RAD51AP2: variants seen among roughly 807,000 people sequenced by gnomAD.
RAD51AP2 encodes RAD51 associated protein 2, also known as RAD51-associated protein 2.
RAD51AP2 carries 67 observed loss-of-function variants against 85.5 expected under a neutral mutation model. The observed-to-expected ratio is 0.78, with a 90% CI of 0.64 to 0.96. The LOEUF (loss-of-function observed/expected upper bound fraction) is 0.96. Ranked by LOEUF, RAD51AP2 falls within the 40% of genes least tolerant of loss-of-function variation. The probability of loss-of-function intolerance (pLI) is 0.00; values close to 1 mark genes in which losing one functional copy is unlikely to be tolerated. For missense variants in RAD51AP2, 1,307 were observed against 1,332.4 expected, an observed-to-expected ratio of 0.98 and a Z score of 0.30; for synonymous variants, 474 against 446.5, an observed-to-expected ratio of 1.06 and a Z score of -0.78.
At chr2:17,522,470 ATTATTATG>A (rs537245179), upstream of RAD51AP2, among the ~76,000 whole-genome samples, 11 of 151,824 alleles carry the variant, frequency 7.2e-5, no homozygotes, top group Non-Finnish European at 1.3e-4. Context: ...ATTTCTCCGC[ATTATTATG>A]TTATTATATT....
At chr2:17,518,773 C>T (rs1662788269), upstream of RAD51AP2, among the ~76,000 whole-genome samples, 1 of 151,774 alleles carries the variant, frequency 6.6e-6, no homozygotes, top group South Asian at 2.1e-4. Context: ...AAAGTTAGAA[C>T]CTCTCACTTA....
chr2:17,522,007 ATC>A (rs923524422), upstream of RAD51AP2, among the ~76,000 whole-genome samples: 3 of 151,920 alleles, frequency 2.0e-5, no homozygotes, highest in African/African-American at 4.8e-5. Flanking sequence ...ATCTCTCGTT[ATC>A]TCTTTCTGAG....
intron 1 of RAD51AP2, 31 bp downstream of exon 1, chr2:17,515,138 G>A (rs1662612339): frequency 2.7e-6 from 4 of 1,492,754 alleles, no homozygotes; most frequent in South Asian, 2.9e-5. Context: ...TTTCTAGCAT[G>A]AGAAATAATG....
chr2:17,530,977 C>T, the RAD51AP2 span, among the ~76,000 whole-genome samples: 1 of 152,156 alleles, frequency 6.6e-6, no homozygotes, highest in Non-Finnish European at 1.5e-5. Context: ...ATAAAGTTTT[C>T]AGGTAGCAGG....
the RAD51AP2 span, among the ~76,000 whole-genome samples, chr2:17,528,561 A>G: frequency 6.6e-6 from 1 of 152,154 alleles, no homozygotes; most frequent in Non-Finnish European, 1.5e-5. Context: ...AAATAAAGTC[A>G]GATAGGCACG....
chr2:17,535,138 C>A, the RAD51AP2 span, among the ~76,000 whole-genome samples: 7 of 152,128 alleles, frequency 4.6e-5, no homozygotes, highest in Non-Finnish European at 7.4e-5. Flanking sequence ...GGAAAAGATT[C>A]TTCTGCTGGG....
rs72785705 is a variant in RAD51AP2, at chr2:17,515,852, T to G, written c.2564A>C (p.Lys855Thr). 5 of 1,610,300 alleles carry G rather than the reference T, an allele frequency of 3.1e-6. No homozygotes were observed. The highest frequency in any genetic ancestry group is 4.2e-6 in the Non-Finnish European group (5 of 1,178,008). The change falls in exon 1 of 3, where the codon AAG (lysine) becomes ACG (threonine). Residue 855 changes from lysine (K) to threonine (T), a missense_variant. Physicochemically the swap from Lys to Thr is moderately conservative, Grantham distance 78. Around this residue, in one of 3 missense-constraint regions of RAD51AP2, gnomAD observed 668 missense variants for 671.0 expected, o/e 1.00. Coordinates refer to ENST00000399080, the MANE Select transcript of RAD51AP2 (RefSeq NM_001099218.3). The stretch of plus-strand genomic sequence containing the variant: ...ACTATCTTTCTCTTCCTTTTCTATC[T>G]TAGTATCTTTGTGAACTTGGCAACT... ...TNSCQVHKDT[K>T]IEKEEKDSFF...
chr2:17,522,331 T>C (rs1240237359), upstream of RAD51AP2, among the ~76,000 whole-genome samples: 1 of 152,066 alleles, frequency 6.6e-6, no homozygotes, highest in Non-Finnish European at 1.5e-5. Context: ...GTCTAGGCCA[T>C]ATGCTGCTTC....
chr2:17,521,212 T>TC (rs1662849700), upstream of RAD51AP2, among the ~76,000 whole-genome samples: 1 of 152,128 alleles, frequency 6.6e-6, no homozygotes, highest in Non-Finnish European at 1.5e-5. Context: ...TTAAGTTTCT[T>TC]GTTTTTGTGT....
chr2:17,528,293 G>T, the RAD51AP2 span, among the ~76,000 whole-genome samples: 1 of 152,070 alleles, frequency 6.6e-6, no homozygotes, highest in African/African-American at 2.4e-5. Context: ...GATTAATATG[G>T]TAAGTGTTTA....
rs751777695 is a variant in RAD51AP2, at chr2:17,516,211, A to G, written c.2205T>C (p.Gly735=). The change falls in exon 1 of 3, where the codon GGT becomes GGC. Residue 735 remains glycine (G), a synonymous_variant. Coordinates refer to ENST00000399080, the MANE Select transcript of RAD51AP2 (RefSeq NM_001099218.3). ...TCTGTATAAATTGAGGACAAGAATT[A>G]CCATGTGCTTTAACAGTACTAGAAT... The part of the protein sequence containing the change: ...HYNSSTVKAH[G]NSCPQFIQNN... 3 of 1,613,378 alleles carry G rather than the reference A, an allele frequency of 1.9e-6. No individual in the cohort carries two copies. Among genetic ancestry groups the G allele is most frequent in the Non-Finnish European group, 1.7e-6 (2 of 1,179,700 alleles).
chr2:17,523,358 A>G (rs1474232161), upstream of RAD51AP2, among the ~76,000 whole-genome samples: 2 of 151,864 alleles, frequency 1.3e-5, no homozygotes, highest in East Asian at 3.8e-4. Context: ...TATTTACATC[A>G]CTGTAAATGG....
the RAD51AP2 span, among the ~76,000 whole-genome samples, chr2:17,536,416 A>T: frequency 2.6e-5 from 4 of 152,228 alleles, no homozygotes; most frequent in Non-Finnish European, 5.9e-5. Context: ...TGTTGCCACT[A>T]ACGATAATGG....
chr2:17,523,107 G>A (rs188563432), upstream of RAD51AP2, among the ~76,000 whole-genome samples: 3 of 151,790 alleles, frequency 2.0e-5, no homozygotes, highest in East Asian at 5.8e-4. Flanking sequence ...CCCATAAATG[G>A]GAATTAAAAA....
chr2:17,513,485 C>G (rs570609744), intron 2 of RAD51AP2, among the ~76,000 whole-genome samples: 3 of 152,138 alleles, frequency 2.0e-5, no homozygotes, highest in Non-Finnish European at 4.4e-5. Context: ...GATCCGCCCA[C>G]CTCAGCCTCC....
Position 17,517,675 on chromosome 2 carries a change from T to C in RAD51AP2, c.741A>G (p.Lys247=). 6.2e-7 allele frequency: 1 copy of C among 1,613,506 alleles called. No individual in the cohort carries two copies. Residue 247 remains lysine, a synonymous_variant, in exon 1 of 3, where the codon AAA becomes AAG. Coordinates refer to ENST00000399080, the MANE Select transcript of RAD51AP2 (RefSeq NM_001099218.3). The stretch of plus-strand genomic sequence containing the variant: ...TGCCGCTATCTCTAAAATAGCTAGG[T>C]TTGGCAATTTCCAAGCTGGGCTGGT... ...SQNQPSLEIA[K]PSYFRDSGTI...
At chr2:17,533,823 G>A in the RAD51AP2 span, among the ~76,000 whole-genome samples, 1 of 152,200 alleles carries the variant, frequency 6.6e-6, no homozygotes, top group Non-Finnish European at 1.5e-5. Flanking sequence ...GCTGAAGCAG[G>A]AGGATCACTT....
rs774851122 is a variant in RAD51AP2, at chr2:17,517,531, G to T, written c.885C>A (p.Asn295Lys). The change falls in exon 1 of 3, where the codon AAC (asparagine) becomes AAA (lysine). Residue 295 changes from asparagine (N) to lysine (K), a missense_variant. Coordinates refer to ENST00000399080, the MANE Select transcript of RAD51AP2 (RefSeq NM_001099218.3). Reference protein sequence around the residue: ...KKEAYVRDFTNIYWSQNRPDV... With the variant: ...KKEAYVRDFTKIYWSQNRPDV... ...CAGGTCTATTTTGGGACCAGTAAAT[G>T]TTTGTGAAATCCCTAACATATGCCT... 8.1e-6 allele frequency: 13 copies of T among 1,613,484 alleles called. No homozygotes were observed. The African/African-American group carries it at 1.7e-4, about 22-fold the overall frequency.
chr2:17,513,088 C>T (rs192825249), intron 2 of RAD51AP2, among the ~76,000 whole-genome samples: 8 of 152,158 alleles, frequency 5.3e-5, no homozygotes, highest in Admixed American at 4.6e-4. Flanking sequence ...TATAACTTTG[C>T]CTAGTTCCAT....
Sources: allele counts gnomAD v4.1 joint callset (sites outside exome capture counted in the v4.1 genomes callset), GRCh38; gene constraint gnomAD v4.1.1; regional missense constraint gnomAD v4.1.1; transcripts MANE v1.5; gene names NCBI Gene and HGNC (gene_info 2026-07-23, HGNC 2026-07-21).